USP32: variants seen among roughly 807,000 people sequenced by gnomAD.
USP32 encodes ubiquitin specific peptidase 32.
Under a neutral mutation model 204.8 loss-of-function variants are expected in USP32, and 59 were observed. The observed-to-expected ratio is 0.29, with a 90% CI of 0.23 to 0.36. The LOEUF is 0.36. Ranked by LOEUF, USP32 falls within the 10% of genes least tolerant of loss-of-function variation. The pLI, the probability that USP32 is intolerant of heterozygous loss-of-function variation, is 1.00. For missense variants in USP32, 1,160 were observed against 1,946.4 expected (o/e 0.60, Z 7.60); for synonymous variants, 517 against 678.4 (o/e 0.76, Z 3.70).
intron 5 of USP32, among the ~76,000 whole-genome samples, chr17:60,285,170 A>G (rs962738093): frequency 2.0e-5 from 3 of 152,234 alleles, no homozygotes; most frequent in Non-Finnish European, 2.9e-5. Context: ...AATCACAAGT[A>G]AAAGTGAAAG....
In USP32 at chr17:60,345,330, T is replaced by G. The variant is rs987640725; in HGVS notation, c.186+151A>C. On this transcript the variant is annotated intron_variant, in intron 2 of 33. Coordinates refer to ENST00000300896, the MANE Select transcript of USP32 (RefSeq NM_032582.4). ...TTGACCTCTAAGAACACAGCCACGT[T>G]GACATCTAAAACAAAACATTGTTTA... The G allele has an allele frequency of 3.7e-6, 4 of 1,090,062 alleles. No individual in the cohort carries two copies. In the African/African-American group the frequency reaches 6.3e-5, roughly 17 times the overall value. 67.5% of individuals were successfully genotyped at this position (1,090,062 alleles called of 1,614,324 possible). A position where few individuals can be genotyped will look rare whatever the true frequency, so the allele number is the denominator to read the frequency against.
At position 60,240,585 on chromosome 17, in the gene USP32, A is replaced by G. The variant is rs1458918472; in HGVS notation, c.1137-4345T>C. Among the ~76,000 whole-genome samples the G allele has an allele frequency of 2.0e-5, 3 of 152,050 alleles. No individual in the cohort carries two copies. The East Asian group carries it at 5.8e-4, about 29-fold the overall frequency. Reference sequence around the variant, plus strand: ...GGCGCTGTGCTGGGGCATTCCTACAATGGTTTACAACTATGCCTTAGCCTT... The same window carrying G: ...GGCGCTGTGCTGGGGCATTCCTACAGTGGTTTACAACTATGCCTTAGCCTT... On this transcript the variant is annotated intron_variant, in intron 11 of 33. Coordinates refer to ENST00000300896, the MANE Select transcript of USP32 (RefSeq NM_032582.4).
At chr17:60,222,675 T>A in intron 14 of USP32, 126 bp from the exon 15 acceptor site, 2 of 842,520 alleles carry the variant, frequency 2.4e-6, no homozygotes, top group Non-Finnish European at 3.5e-6. Context: ...TGGAAAAACT[T>A]AATTTTTTTT....
chr17:60,220,048 G>C (rs1018955804), intron 15 of USP32, among the ~76,000 whole-genome samples: 2 of 148,816 alleles, frequency 1.3e-5, no homozygotes, highest in Non-Finnish European at 3.0e-5. Flanking sequence ...ACAACACTGA[G>C]GAAAAAAAAA....
intron 2 of USP32, among the ~76,000 whole-genome samples, chr17:60,344,831 T>C (rs557334577): frequency 2.6e-4 from 40 of 152,284 alleles, no homozygotes; most frequent in African/African-American, 8.9e-4. Context: ...TAGTAAACTT[T>C]TATTTTATTT....
chr17:60,342,203 C>G (rs2088675445), intron 2 of USP32, among the ~76,000 whole-genome samples: 1 of 152,178 alleles, frequency 6.6e-6, no homozygotes, highest in Non-Finnish European at 1.5e-5. Flanking sequence ...GAGGTCCACT[C>G]AAGACCTTGT....
At chr17:60,250,738 T>A (rs1450131683) in intron 11 of USP32, among the ~76,000 whole-genome samples, 1 of 151,966 alleles carries the variant, frequency 6.6e-6, no homozygotes, top group African/African-American at 2.4e-5. Flanking sequence ...TCTCTTGAAC[T>A]CAGGAGAGTT....
At chr17:60,345,720 GC>G (rs1555617565) in intron 1 of USP32, 112 bp from the exon 2 acceptor site, 1 of 1,362,764 alleles carries the variant, frequency 7.3e-7, no homozygotes, top group Non-Finnish European at 1.0e-6. Context: ...AGTGGCTCAC[GC>G]CTATAATCCC....
intron 1 of USP32, among the ~76,000 whole-genome samples, chr17:60,379,361 G>T (rs2089608104): frequency 1.3e-5 from 2 of 152,242 alleles, no homozygotes; most frequent in East Asian, 1.9e-4. Flanking sequence ...GTAGTATTTT[G>T]ACTTCACTGA....
rs1344643305 is a variant in USP32, at chr17:60,216,333, C to T, written c.1868-1559G>A. The stretch of plus-strand genomic sequence containing the variant: ...ATCATTAAACCCTGGTTAACTACTC[C>T]GCCAAAAATCTAGACAAAACTGTGG... On this transcript the variant is annotated intron_variant, in intron 16 of 33. Coordinates refer to ENST00000300896, the MANE Select transcript of USP32 (RefSeq NM_032582.4). 2.7e-5 allele frequency among the ~76,000 whole-genome samples: 4 copies of T among 150,794 alleles called. No homozygotes were observed. In the East Asian group the frequency reaches 5.8e-4, roughly 22 times the overall value.
chr17:60,289,161 C>T (rs2087201733), intron 4 of USP32, among the ~76,000 whole-genome samples: 1 of 152,158 alleles, frequency 6.6e-6, no homozygotes, highest in Admixed American at 6.5e-5. Flanking sequence ...GCACCCACCA[C>T]CACGCCCGGC....
In USP32 at chr17:60,365,413, G is replaced by A. The variant is rs556847126; in HGVS notation, c.59-19805C>T. Among the ~76,000 whole-genome samples the A allele has an allele frequency of 1.8e-4, 28 of 152,172 alleles. No individual in the cohort carries two copies. The South Asian group carries it at 4.8e-3, about 26-fold the overall frequency. On this transcript the variant is annotated intron_variant, in intron 1 of 33. Coordinates refer to ENST00000300896, the MANE Select transcript of USP32 (RefSeq NM_032582.4). ...GGATAATCGCTTGAACACAGAAGGT[G>A]AAGGTTGCAGTGAGCCAAGATCAGG...
At chr17:60,348,287 G>A (rs568271544) in intron 1 of USP32, among the ~76,000 whole-genome samples, 19 of 152,220 alleles carry the variant, frequency 1.2e-4, no homozygotes, top group Middle Eastern at 3.4e-3. Context: ...AAACCATGAG[G>A]AAGAAGCATA....
At chr17:60,360,850 C>T (rs565771833) in intron 1 of USP32, among the ~76,000 whole-genome samples, 2 of 151,972 alleles carry the variant, frequency 1.3e-5, no homozygotes, top group South Asian at 2.1e-4. Flanking sequence ...TAAAGTAGGC[C>T]GGGCGCGGTG....
intron 24 of USP32, 50 bp downstream of exon 24, chr17:60,208,009 G>A (rs769122586): frequency 6.6e-7 from 1 of 1,505,614 alleles, no homozygotes. Context: ...TGAGAAAAAT[G>A]TCATCTTTGG....
chr17:60,388,889 T>C (rs1381189721), intron 1 of USP32, among the ~76,000 whole-genome samples: 1 of 152,220 alleles, frequency 6.6e-6, no homozygotes, highest in Non-Finnish European at 1.5e-5. Flanking sequence ...GCCCAGTAAG[T>C]GTTATCTGTC....
intron 30 of USP32, among the ~76,000 whole-genome samples, chr17:60,183,968 A>C (rs746265318): frequency 1.3e-5 from 2 of 152,150 alleles, no homozygotes; most frequent in Non-Finnish European, 2.9e-5. Context: ...ATTGTATGCT[A>C]ATTATACCTC....
chr17:60,295,987 TAA>T lies in USP32; in HGVS notation c.293-1188_293-1187del, dbSNP rs754829647. ...GTAGTTGACAATGTTTAAGGACACA[TAA>T]ACATGTTGTATAAAAACCAGCATGA... On this transcript the variant is annotated intron_variant, in intron 3 of 33. Transcript: ENST00000300896. Among the ~76,000 whole-genome samples the T allele has an allele frequency of 2.1e-4, 32 of 151,652 alleles. No homozygotes were observed. The South Asian group carries it at 3.9e-3, about 19-fold the overall frequency.
intron 1 of USP32, among the ~76,000 whole-genome samples, chr17:60,364,052 A>G (rs1192206908): frequency 5.3e-5 from 8 of 152,170 alleles, no homozygotes; most frequent in Non-Finnish European, 1.5e-5. Context: ...TAAACCAGGG[A>G]AATTTACTGC....
Sources: gnomAD v4.1 joint callset for allele counts (sites outside exome capture counted in the v4.1 genomes callset) on GRCh38, gnomAD v4.1.1 for gene constraint, MANE v1.5 for transcripts, NCBI Gene and HGNC (gene_info 2026-07-23, HGNC 2026-07-21) for gene names.